The following SUPT3H variants were observed in gnomAD, a reference collection of about 807,000 sequenced individuals.
SUPT3H encodes the protein transcription initiation protein SPT3 homolog.
Under a neutral mutation model 44.3 loss-of-function variants are expected in SUPT3H, and 44 were observed. The ratio of observed to expected loss-of-function variants is 0.99; its 90% CI spans 0.78 to 1.28. SUPT3H has a LOEUF of 1.28. Among genes scored for constraint, SUPT3H ranks in the 50% most tolerant of loss-of-function variants. SUPT3H has a pLI of 0.00. For synonymous variants in SUPT3H, 124 were observed against 125.6 expected, an observed-to-expected ratio of 0.99 and a Z score of 0.09; for missense variants, 380 against 387.1, an observed-to-expected ratio of 0.98 and a Z score of 0.15.
At chr6:45,294,576 C>T (rs188949266) in intron 2 of SUPT3H, among the ~76,000 whole-genome samples, 1 of 151,774 alleles carries the variant, frequency 6.6e-6, no homozygotes, top group African/African-American at 2.4e-5. Context: ...ACCTAGAAAA[C>T]CCTAAAGCCT....
chr6:44,821,494 A>G (rs1283944927), intron 11 of SUPT3H, among the ~76,000 whole-genome samples: 1 of 152,130 alleles, frequency 6.6e-6, no homozygotes, highest in Admixed American at 6.5e-5. Context: ...TTCAATTTTC[A>G]TTATATGTGA....
intron 2 of SUPT3H, among the ~76,000 whole-genome samples, chr6:45,206,098 C>A (rs1344763842): frequency 6.6e-6 from 1 of 152,086 alleles, no homozygotes; most frequent in African/African-American, 2.4e-5. Flanking sequence ...ATTCATTTAA[C>A]CAGCATTTAG....
intron 2 of SUPT3H, among the ~76,000 whole-genome samples, chr6:45,148,817 A>G (rs1806488322): frequency 6.6e-6 from 1 of 152,188 alleles, no homozygotes. Flanking sequence ...GTATTGTGCC[A>G]TAACCCCATT....
intron 2 of SUPT3H, among the ~76,000 whole-genome samples, chr6:45,219,995 T>G (rs376865687): frequency 8.2e-6 from 1 of 121,906 alleles, no homozygotes; most frequent in African/African-American, 3.2e-5. Context: ...GCCGAGACCA[T>G]GCCATTGCAC....
chr6:45,048,471 A>G (rs1022874519), intron 3 of SUPT3H, among the ~76,000 whole-genome samples: 2 of 151,996 alleles, frequency 1.3e-5, no homozygotes, highest in African/African-American at 4.8e-5. Context: ...TCATTCTTTT[A>G]TATGTGAATA....
intron 10 of SUPT3H, among the ~76,000 whole-genome samples, chr6:44,854,229 T>G (rs998308898): frequency 3.3e-5 from 5 of 152,170 alleles, no homozygotes; most frequent in Non-Finnish European, 7.3e-5. Context: ...ATGATTTTTT[T>G]TGTCTTGTTA....
intron 3 of SUPT3H, among the ~76,000 whole-genome samples, chr6:45,085,592 T>C (rs1796379768): frequency 2.6e-5 from 4 of 152,146 alleles, no homozygotes; most frequent in Admixed American, 2.6e-4. Context: ...ATTATGGAAA[T>C]CCACCCAAAA....
chr6:45,251,672 C>T (rs1446054244), intron 2 of SUPT3H, among the ~76,000 whole-genome samples: 1 of 151,990 alleles, frequency 6.6e-6, no homozygotes, highest in African/African-American at 2.4e-5. Context: ...AATAAAACAC[C>T]TCTCTGATAT....
At chr6:45,169,120 C>A (rs929628005) in intron 2 of SUPT3H, among the ~76,000 whole-genome samples, 3 of 152,078 alleles carry the variant, frequency 2.0e-5, no homozygotes, top group African/African-American at 7.2e-5. Flanking sequence ...TTTATAACTA[C>A]AAAAACATTC....
At chr6:45,236,934 T>C (rs1379065909) in intron 2 of SUPT3H, among the ~76,000 whole-genome samples, 1 of 152,124 alleles carries the variant, frequency 6.6e-6, no homozygotes, top group Non-Finnish European at 1.5e-5. Context: ...GTAGGTCTGG[T>C]TTAAATTTAA....
At chr6:44,855,166 A>G (rs1182934818) in intron 10 of SUPT3H, among the ~76,000 whole-genome samples, 3 of 152,186 alleles carry the variant, frequency 2.0e-5, no homozygotes, top group African/African-American at 4.8e-5. Context: ...CTTTCTAGAG[A>G]GGGTCATATA....
chr6:44,989,880 T>C (rs1780362707), intron 6 of SUPT3H, among the ~76,000 whole-genome samples: 1 of 152,136 alleles, frequency 6.6e-6, no homozygotes, highest in Admixed American at 6.6e-5. Flanking sequence ...GTGAGTTCCT[T>C]ATATATTTTG....
chr6:45,199,742 A>G (rs1198173095), intron 2 of SUPT3H, among the ~76,000 whole-genome samples: 1 of 151,458 alleles, frequency 6.6e-6, no homozygotes, highest in Non-Finnish European at 1.5e-5. Context: ...TTCTGTCTTT[A>G]ACCCTAAAAG....
chr6:44,831,644 T>C (rs1326615248), intron 10 of SUPT3H, among the ~76,000 whole-genome samples: 3 of 152,186 alleles, frequency 2.0e-5, no homozygotes, highest in Non-Finnish European at 4.4e-5. Flanking sequence ...GATGGTTTTA[T>C]ATGGAGTTAA....
intron 2 of SUPT3H, among the ~76,000 whole-genome samples, chr6:45,323,742 T>C (rs921573187): frequency 6.6e-6 from 1 of 152,104 alleles, no homozygotes; most frequent in Non-Finnish European, 1.5e-5. Flanking sequence ...TTTCCTTTTG[T>C]ACCTTTTCCA....
intron 6 of SUPT3H, among the ~76,000 whole-genome samples, chr6:44,991,147 T>TA (rs1431752080): frequency 2.6e-5 from 4 of 152,038 alleles, no homozygotes; most frequent in African/African-American, 9.7e-5. Context: ...TAAATATTTT[T>TA]AAAAAATGAG....
chr6:45,297,935 C>A (rs1781552810), intron 2 of SUPT3H, among the ~76,000 whole-genome samples: 1 of 152,002 alleles, frequency 6.6e-6, no homozygotes, highest in Non-Finnish European at 1.5e-5. Flanking sequence ...GATTATTATG[C>A]CTACTTTAGA....
chr6:45,035,156 A>G lies in SUPT3H; in HGVS notation c.187-14524T>C, dbSNP rs149640160. Among the ~76,000 whole-genome samples the G allele has an allele frequency of 4.4e-4, 67 of 152,242 alleles. 3 individuals are homozygous for G. The East Asian group carries it at 0.013, about 29-fold the overall frequency. Reference sequence around the variant, plus strand: ...TTGGTGTAGGGTAAGAATTTTTCATATGGTTTATAACAGATGTACTCTTAA... The same window carrying G: ...TTGGTGTAGGGTAAGAATTTTTCATGTGGTTTATAACAGATGTACTCTTAA... On this transcript the variant is annotated intron_variant, in intron 3 of 10. Transcript: ENST00000371459.
At chr6:45,025,710 A>T (rs1583133096) in intron 3 of SUPT3H, among the ~76,000 whole-genome samples, 1 of 151,084 alleles carries the variant, frequency 6.6e-6, no homozygotes, top group South Asian at 2.1e-4. Flanking sequence ...GGTGAAACAC[A>T]GTCTCTACTA....
Sources: allele counts gnomAD v4.1 joint callset (sites outside exome capture counted in the v4.1 genomes callset), GRCh38; gene constraint gnomAD v4.1.1; transcripts MANE v1.5; gene names NCBI Gene and HGNC (gene_info 2026-07-23, HGNC 2026-07-21).